The following C1orf21 variants were observed in gnomAD, a reference collection of about 807,000 sequenced individuals.
C1orf21 encodes the protein uncharacterized protein C1orf21.
A neutral mutation model predicts 18.7 loss-of-function variants in C1orf21; 3 were observed. The ratio of observed to expected loss-of-function variants is 0.16; its 90% CI spans 0.07 to 0.42. C1orf21 has a LOEUF of 0.42. Ranked by LOEUF, C1orf21 falls within the 10% of genes least tolerant of loss-of-function variation. The pLI is 0.99. For synonymous variants in C1orf21, 41 were observed against 46.4 expected, an observed-to-expected ratio of 0.88 and a Z score of 0.47; for missense variants, 104 against 143.6, an observed-to-expected ratio of 0.72 and a Z score of 1.41.
intron 1 of C1orf21, among the ~76,000 whole-genome samples, chr1:184,449,304 G>T (rs945204898): frequency 2.0e-5 from 3 of 151,584 alleles, no homozygotes; most frequent in Non-Finnish European, 4.4e-5. Flanking sequence ...GGGATGTTTG[G>T]CTTTTTGTCC....
At chr1:184,561,246 C>T (rs912332174) in intron 3 of C1orf21, among the ~76,000 whole-genome samples, 6 of 152,164 alleles carry the variant, frequency 3.9e-5, no homozygotes, top group African/African-American at 1.4e-4. Context: ...CACTGCCCTC[C>T]TCAAAGACAC....
chr1:184,404,150 G>A (rs1332157691), intron 1 of C1orf21, among the ~76,000 whole-genome samples: 1 of 152,146 alleles, frequency 6.6e-6, no homozygotes, highest in African/African-American at 2.4e-5. Flanking sequence ...TAAGTAGCTT[G>A]TCCAAAGTCA....
chr1:184,415,649 T>C (rs1478909672), intron 1 of C1orf21, among the ~76,000 whole-genome samples: 6 of 152,208 alleles, frequency 3.9e-5, no homozygotes. Context: ...GGAAGCATCA[T>C]GGAGTGAAGC....
intron 2 of C1orf21, among the ~76,000 whole-genome samples, chr1:184,495,055 C>T (rs1657869564): frequency 6.6e-6 from 1 of 152,218 alleles, no homozygotes; most frequent in African/African-American, 2.4e-5. Flanking sequence ...CACACAGTGA[C>T]ATCTCATTTC....
chr1:184,456,993 A>T (rs1209837083), intron 1 of C1orf21, among the ~76,000 whole-genome samples: 1 of 152,220 alleles, frequency 6.6e-6, no homozygotes, highest in Non-Finnish European at 1.5e-5. Context: ...AACTAGGCAG[A>T]AGAATGTATC....
chr1:184,510,597 A>G lies in C1orf21; in HGVS notation c.189+2915A>G, dbSNP rs116669605. Among the ~76,000 whole-genome samples, 401 of 152,306 alleles carry G rather than the reference A, an allele frequency of 2.6e-3. 1 individual carries two copies. The highest frequency in any genetic ancestry group is 9.2e-3 in the African/African-American group (382 of 41,570). ...AGAAGTAACAGGTGGAAAACATAAGATATATTTAATAAAAAGCACATAGTC... is the reference window on the plus strand; with the variant it reads ...AGAAGTAACAGGTGGAAAACATAAGGTATATTTAATAAAAAGCACATAGTC... On this transcript the variant is annotated intron_variant, in intron 3 of 5. Transcript: ENST00000235307.
At chr1:184,482,162 T>G (rs1657668181) in intron 2 of C1orf21, among the ~76,000 whole-genome samples, 1 of 152,178 alleles carries the variant, frequency 6.6e-6, no homozygotes, top group African/African-American at 2.4e-5. Flanking sequence ...TCATCTGTTG[T>G]TCTCTCCCGG....
chr1:184,566,570 G>T, intron 3 of C1orf21: 1 of 381,620 alleles, frequency 2.6e-6, no homozygotes. Flanking sequence ...TCTCTATGGT[G>T]GGTTTCTTCT....
chr1:184,431,017 T>C (rs1254676837), intron 1 of C1orf21, among the ~76,000 whole-genome samples: 1 of 152,180 alleles, frequency 6.6e-6, no homozygotes, highest in Non-Finnish European at 1.5e-5. Context: ...TTGTAAGTAG[T>C]ATCCATAGGT....
chr1:184,428,502 G>A (rs1656680665), intron 1 of C1orf21, among the ~76,000 whole-genome samples: 1 of 152,104 alleles, frequency 6.6e-6, no homozygotes, highest in Non-Finnish European at 1.5e-5. Flanking sequence ...CATGAAGAGG[G>A]CTGGTCACAC....
intron 5 of C1orf21, among the ~76,000 whole-genome samples, chr1:184,605,180 A>G (rs1227486429): frequency 6.6e-6 from 1 of 152,114 alleles, no homozygotes; most frequent in Non-Finnish European, 1.5e-5. Context: ...CCCTCTCTTC[A>G]GCTATCCTTT....
At chr1:184,488,353 C>G (rs1373719433) in intron 2 of C1orf21, among the ~76,000 whole-genome samples, 4 of 152,082 alleles carry the variant, frequency 2.6e-5, no homozygotes, top group Non-Finnish European at 5.9e-5. Flanking sequence ...TTTTGCTTAT[C>G]AACCATAAAT....
intron 3 of C1orf21, among the ~76,000 whole-genome samples, chr1:184,550,496 A>T (rs35430213): frequency 6.6e-6 from 1 of 152,042 alleles, no homozygotes; most frequent in African/African-American, 2.4e-5. Flanking sequence ...CATCTCTTCA[A>T]GTTGTGGAGA....
intron 2 of C1orf21, among the ~76,000 whole-genome samples, chr1:184,499,824 A>AC (rs1277614906): frequency 2.0e-5 from 3 of 152,212 alleles, no homozygotes; most frequent in Non-Finnish European, 4.4e-5. Flanking sequence ...CATAGGGTAG[A>AC]CATGAGGATT....
intron 1 of C1orf21, among the ~76,000 whole-genome samples, chr1:184,399,471 T>G (rs1656115237): frequency 6.9e-6 from 1 of 145,880 alleles, no homozygotes; most frequent in Admixed American, 7.0e-5. Flanking sequence ...CAAGCCATCC[T>G]CCCACCTCAG....
rs1312220711 is a variant in C1orf21 at position 184,421,632 on chromosome 1, G to A, written c.-125+34264G>A. ...ACAGTTTCTGATAAATATGTACTTG[G>A]GGCGGTAGAAGTTTCTGTGTCTCAA... On this transcript the variant is annotated intron_variant, in intron 1 of 5. Coordinates refer to ENST00000235307, the MANE Select transcript of C1orf21 (RefSeq NM_030806.4). Among the ~76,000 whole-genome samples the A allele has an allele frequency of 7.9e-5, 12 of 152,080 alleles. 1 individual carries two copies. The highest frequency in any genetic ancestry group is 5.2e-4 in the Admixed American group (8 of 15,262).
intron 3 of C1orf21, among the ~76,000 whole-genome samples, chr1:184,546,359 C>T (rs950806849): frequency 2.0e-5 from 3 of 152,190 alleles, no homozygotes; most frequent in African/African-American, 7.2e-5. Context: ...TGCTTGAACC[C>T]AGGAGGCAGA....
chr1:184,439,427 G>C (rs1656910971), intron 1 of C1orf21, among the ~76,000 whole-genome samples: 1 of 150,632 alleles, frequency 6.6e-6, no homozygotes, highest in African/African-American at 2.4e-5. Context: ...TACTACCCAA[G>C]GGCTATCTAT....
chr1:184,461,497 G>C (rs1263497017), intron 1 of C1orf21, among the ~76,000 whole-genome samples: 2 of 152,184 alleles, frequency 1.3e-5, no homozygotes, highest in Non-Finnish European at 2.9e-5. Context: ...TACAGAACCA[G>C]AGCCACTGGC....
Sources: allele counts gnomAD v4.1 joint callset (sites outside exome capture counted in the v4.1 genomes callset), GRCh38; gene constraint gnomAD v4.1.1; transcripts MANE v1.5; gene names NCBI Gene and HGNC (gene_info 2026-07-23, HGNC 2026-07-21).